The following CACNA1I variants were observed in gnomAD, a reference collection of about 807,000 sequenced individuals.
CACNA1I encodes the protein voltage-dependent T-type calcium channel subunit alpha-1I.
A neutral mutation model predicts 201.6 loss-of-function variants in CACNA1I; 74 were observed. The observed-to-expected ratio is 0.37, with a 90% CI of 0.30 to 0.45. The LOEUF (loss-of-function observed/expected upper bound fraction) is 0.45, where lower values mean the gene tolerates loss of function less well. Among genes scored for constraint, CACNA1I ranks in the 20% least tolerant of loss-of-function variants. CACNA1I has a pLI of 1.00. For synonymous variants in CACNA1I, 1,431 were observed against 1,345.2 expected, an observed-to-expected ratio of 1.06 and a Z score of -1.40; for missense variants, 2,346 against 3,138.1, an observed-to-expected ratio of 0.75 and a Z score of 6.03.
chr22:39,574,593 C>G (rs1258134814), intron 1 of CACNA1I, among the ~76,000 whole-genome samples: 2 of 152,164 alleles, frequency 1.3e-5, no homozygotes, highest in Non-Finnish European at 2.9e-5. Flanking sequence ...TAAGCTTGTA[C>G]TCCTCAATGG....
chr22:39,599,336 C>T (rs1368478095), intron 2 of CACNA1I, among the ~76,000 whole-genome samples: 4 of 148,642 alleles, frequency 2.7e-5, no homozygotes, highest in African/African-American at 4.9e-5. Context: ...ATCCAGACCC[C>T]TGGCCGGGCG....
chr22:39,647,924 G>A lies in CACNA1I; in HGVS notation c.1565G>A (p.Arg522Lys). The A allele has an allele frequency of 6.2e-7, 1 of 1,613,214 alleles. No individual in the cohort carries two copies. The highest frequency in any genetic ancestry group is 8.5e-7 in the Non-Finnish European group (1 of 1,179,754). ...PASPGNDHSG[R>K]ELCPQHSPLD... ...TCCCCTGGAAATGATCACTCGGGAA[G>A]AGGCAAGCCAGGGCCACGGGAGGTG... The change falls in exon 9 of 37, where the codon AGA becomes AAA. Residue 522 changes from arginine (R) to lysine (K), a missense_variant and splice_region_variant. Arg to Lys is a conservative substitution (Grantham distance 26). Transcript: ENST00000402142.
At chr22:39,621,805 G>T (rs1439909793) in intron 4 of CACNA1I, among the ~76,000 whole-genome samples, 2 of 152,040 alleles carry the variant, frequency 1.3e-5, no homozygotes, top group Admixed American at 6.5e-5. Flanking sequence ...TACCAGCCTG[G>T]CCCCTTCCCA....
intron 10 of CACNA1I, among the ~76,000 whole-genome samples, chr22:39,651,103 G>T (rs1399523008): frequency 6.6e-6 from 1 of 152,216 alleles, no homozygotes; most frequent in African/African-American, 2.4e-5. Context: ...CCAGCTCTGC[G>T]AAGGTTCCCA....
chr22:39,598,919 G>A (rs1455881570), intron 2 of CACNA1I, among the ~76,000 whole-genome samples: 1 of 147,812 alleles, frequency 6.8e-6, no homozygotes, highest in Non-Finnish European at 1.5e-5. Context: ...CCTCCCGGGA[G>A]GCATTGCTTT....
At chr22:39,651,203 T>G (rs1470511542) in intron 10 of CACNA1I, among the ~76,000 whole-genome samples, 1 of 152,090 alleles carries the variant, frequency 6.6e-6, no homozygotes, top group Non-Finnish European at 1.5e-5. Context: ...CGAACCAACT[T>G]CTTTCTGTGG....
chr22:39,618,735 G>C (rs941025564), intron 3 of CACNA1I, among the ~76,000 whole-genome samples: 2 of 151,872 alleles, frequency 1.3e-5, no homozygotes, highest in African/African-American at 2.4e-5. Context: ...TGGGGGGCAG[G>C]GGGGGTCATC....
At chr22:39,577,455 C>T (rs2145800254) in intron 1 of CACNA1I, among the ~76,000 whole-genome samples, 1 of 152,368 alleles carries the variant, frequency 6.6e-6, no homozygotes, top group Non-Finnish European at 1.5e-5. Context: ...CGCCCGGTCT[C>T]CTCATGGCCC....
rs895021475 is a variant in CACNA1I at position 39,688,466 on chromosome 22, C to G, written c.*2061C>G. 1.3e-5 allele frequency: 2 copies of G among 152,142 alleles called. No individual in the cohort carries two copies. The highest frequency in any genetic ancestry group is 2.9e-5 in the Non-Finnish European group (2 of 68,038). 9.4% of individuals were successfully genotyped at this position (152,142 alleles called of 1,614,324 possible). On this transcript the variant is annotated 3_prime_UTR_variant, in exon 37 of 37. Coordinates refer to ENST00000402142, the MANE Select transcript of CACNA1I (RefSeq NM_021096.4). The surrounding 1 kb of genome is among the most constrained non-coding windows in gnomAD (Gnocchi z 4.8). ...GACTGCTCCTGGCTGACCCTGAGCT[C>G]TCGCAGTTGGAGGGAAGCAGACAGA...
At chr22:39,593,117 T>C (rs1266884112) in intron 1 of CACNA1I, among the ~76,000 whole-genome samples, 3 of 151,860 alleles carry the variant, frequency 2.0e-5, no homozygotes, top group African/African-American at 4.8e-5. Context: ...TGAAAGCCAC[T>C]CCATCTGCCT....
chr22:39,672,091 AG>A (rs1229731046), intron 26 of CACNA1I, 107 bp from the exon 27 acceptor site: 18 of 693,136 alleles, frequency 2.6e-5, no homozygotes, highest in Non-Finnish European at 4.4e-5. Context: ...TTACACTAAA[AG>A]TAAATGGACT....
chr22:39,658,783 G>A (rs1425763178), intron 11 of CACNA1I, 148 bp from the exon 12 acceptor site: 9 of 703,536 alleles, frequency 1.3e-5, no homozygotes, highest in Middle Eastern at 3.1e-4. Flanking sequence ...AGCTTGTGGC[G>A]TGGAGCAGCA....
In CACNA1I at chr22:39,674,038, G is replaced by A. The variant is rs1471812204; in HGVS notation, c.4854+5G>A. ...GTGGTGCAAGCTTTGCCCCAGGTAA[G>A]AGCCACTCTTTCTGGCAGCCCTCCT... On this transcript the variant is annotated splice_donor_5th_base_variant and intron_variant, in intron 29 of 36. Transcript: ENST00000402142. The A allele has an allele frequency of 1.2e-6, 2 of 1,612,864 alleles. No individual in the cohort carries two copies. The highest frequency in any genetic ancestry group is 2.2e-5 in the East Asian group (1 of 44,878).
In CACNA1I at chr22:39,641,015, A is replaced by G; in HGVS notation, c.889A>G (p.Lys297Glu). The G allele has an allele frequency of 6.2e-7, 1 of 1,614,060 alleles. No individual in the cohort carries two copies. Among genetic ancestry groups the G allele is most frequent in the South Asian group, 1.1e-5 (1 of 91,092 alleles). The part of the protein sequence containing the change: ...KEQGRECCLS[K>E]DDVYDFGAGR... ...GCAGGGCCGTGAGTGCTGCCTGTCC[A>G]AGGACGACGTCTACGACTTTGGGGC... The change falls in exon 6 of 37, where the codon AAG becomes GAG. Residue 297 changes from lysine (K) to glutamate (E), a missense_variant. Physicochemically the swap from Lys to Glu is moderately conservative, Grantham distance 56 (BLOSUM62 1). This residue lies in a region of CACNA1I where 227 missense variants were observed against 412.5 expected (regional missense o/e 0.55). Coordinates refer to ENST00000402142, the MANE Select transcript of CACNA1I (RefSeq NM_021096.4).
In CACNA1I at chr22:39,665,937, C is replaced by A; in HGVS notation, c.4035C>A (p.Asn1345Lys). Residue 1345 changes from asparagine (N) to lysine (K), a missense_variant, in exon 23 of 37, where the codon AAC (asparagine) becomes AAA (lysine). Asn to Lys is a moderately conservative substitution (Grantham distance 94, BLOSUM62 0). Transcript: ENST00000402142. The surrounding 1 kb of genome is among the most constrained non-coding windows in gnomAD (Gnocchi z 5.5). ...CLGVDTRNITNRSDCMAANYR... is the reference protein window; with the variant it reads ...CLGVDTRNITKRSDCMAANYR... ...GCGTGGACACCCGCAACATCACCAA[C>A]CGCTCGGACTGCATGGCCGCCAACT... The A allele has an allele frequency of 1.2e-6, 2 of 1,613,884 alleles. No homozygotes were observed. Among genetic ancestry groups the A allele is most frequent in the Non-Finnish European group, 1.7e-6 (2 of 1,179,878 alleles).
chr22:39,612,476 G>A (rs73169378), intron 3 of CACNA1I, among the ~76,000 whole-genome samples: 3,451 of 152,214 alleles, frequency 0.023, 61 homozygotes, highest in Middle Eastern at 0.068. Context: ...CTGGAGGTTG[G>A]GAAGTCCAAG....
intron 10 of CACNA1I, among the ~76,000 whole-genome samples, chr22:39,656,888 C>T (rs943059367): frequency 3.3e-5 from 5 of 152,200 alleles, no homozygotes; most frequent in African/African-American, 7.2e-5. Flanking sequence ...CTTCCTTTCT[C>T]TGTGATTCAG....
rs878938826 is a variant in CACNA1I, at chr22:39,649,427, C to T, written c.1568-74C>T. On this transcript the variant is annotated intron_variant, in intron 9 of 36. Coordinates refer to ENST00000402142, the MANE Select transcript of CACNA1I (RefSeq NM_021096.4). This position sits in a 1 kb window ranked among gnomAD's most constrained non-coding sequence, Gnocchi z 7.3. ...CCTGTGGGCCTGGGAGCCAAGCGCA[C>T]TCAGGGATGTGTCCCAGGGTGGATT... 4 of 1,405,654 alleles carry T rather than the reference C, an allele frequency of 2.8e-6. No homozygotes were observed. In the South Asian group the frequency reaches 5.9e-5, roughly 21 times the overall value. The allele number at this position is 1,405,654 out of a possible 1,614,324, so 87.1% of individuals were successfully genotyped here. A position where few individuals can be genotyped will look rare whatever the true frequency, so the allele number is the denominator to read the frequency against.
intron 28 of CACNA1I, 69 bp downstream of exon 28, chr22:39,673,151 T>G (rs986486793): frequency 1.8e-5 from 20 of 1,114,646 alleles, no homozygotes; most frequent in Admixed American, 4.6e-5. Context: ...CATTGCCTGA[T>G]GAGAACACAC....
Sources: allele counts gnomAD v4.1 joint callset (sites outside exome capture counted in the v4.1 genomes callset), GRCh38; gene constraint gnomAD v4.1.1; regional missense constraint gnomAD v4.1.1; non-coding constraint Gnocchi (gnomAD v3.1); transcripts MANE v1.5; gene names NCBI Gene and HGNC (gene_info 2026-07-23, HGNC 2026-07-21).